Variants in LRRC40 observed in about 807,000 individuals in gnomAD.
The protein encoded by LRRC40 is leucine rich repeat containing 40, also known as leucine-rich repeat-containing protein 40.
In LRRC40, 76 loss-of-function variants were observed where a neutral mutation model predicts 72.8. The ratio of observed to expected loss-of-function variants is 1.04; its 90% CI spans 0.87 to 1.26. LRRC40 has a LOEUF of 1.26. LRRC40 is among the 50% of genes most tolerant of loss of function. The pLI is 0.00. For synonymous variants in LRRC40, 243 were observed against 254.2 expected, an observed-to-expected ratio of 0.96 and a Z score of 0.42; for missense variants, 684 against 698.9, an observed-to-expected ratio of 0.98 and a Z score of 0.24.
chr1:70,160,762 G>A (rs781522230), intron 9 of LRRC40, among the ~76,000 whole-genome samples: 8 of 151,914 alleles, frequency 5.3e-5, no homozygotes, highest in South Asian at 4.2e-4. Flanking sequence ...AGACTGTTGC[G>A]AGAGAGATTT....
At chr1:70,157,312 C>A (rs1371730794) in intron 10 of LRRC40, among the ~76,000 whole-genome samples, 1 of 152,138 alleles carries the variant, frequency 6.6e-6, no homozygotes, top group Non-Finnish European at 1.5e-5. Flanking sequence ...GCTAGTCAGA[C>A]TTAAAAGATT....
At chr1:70,184,201 T>C (rs1025187205) in intron 4 of LRRC40, among the ~76,000 whole-genome samples, 16 of 152,036 alleles carry the variant, frequency 1.1e-4, no homozygotes, top group Admixed American at 1.3e-4. Context: ...GTGAGCGAGA[T>C]TGCGCCACTG....
intron 4 of LRRC40, among the ~76,000 whole-genome samples, chr1:70,182,903 A>T (rs981882497): frequency 6.6e-6 from 1 of 152,152 alleles, no homozygotes; most frequent in Non-Finnish European, 1.5e-5. Flanking sequence ...GTCTCTGGGA[A>T]CATGTGGGTG....
Position 70,181,140 on chromosome 1 carries a change from T to A in LRRC40, c.607A>T (p.Asn203Tyr), listed in dbSNP as rs1355596093. The change falls in exon 5 of 15, where the codon AAT becomes TAT. Residue 203 changes from asparagine (N) to tyrosine (Y), a missense_variant. Asn to Tyr is a moderately radical substitution (Grantham distance 143). Coordinates refer to ENST00000370952, the MANE Select transcript of LRRC40 (RefSeq NM_017768.5). ...FSSLSSLVRL[N>Y]LSSNELKSLP... ...CTCTTCAGTTCATTACTAGAAAGAT[T>A]GAGTCGCACCAGACTGGACAGAGAA... is the stretch of plus-strand genomic sequence containing the variant. 2 of 1,600,710 alleles carry A rather than the reference T, an allele frequency of 1.2e-6. No individual in the cohort carries two copies. Among genetic ancestry groups the A allele is most frequent in the Middle Eastern group, 1.7e-4 (1 of 6,004 alleles).
chr1:70,203,680 G>A (rs1241587081), intron 1 of LRRC40, among the ~76,000 whole-genome samples: 1 of 152,200 alleles, frequency 6.6e-6, no homozygotes, highest in Non-Finnish European at 1.5e-5. Flanking sequence ...AATAGGTCCT[G>A]TTATGACTCC....
chr1:70,157,293 C>A (rs1667659613), intron 10 of LRRC40, among the ~76,000 whole-genome samples: 2 of 152,142 alleles, frequency 1.3e-5, no homozygotes, highest in Admixed American at 1.3e-4. Context: ...TCATGGGGAA[C>A]TGACTCATGC....
At chr1:70,189,030 G>T (rs998307890) in intron 2 of LRRC40, 62 bp downstream of exon 2, 39 of 1,425,318 alleles carry the variant, frequency 2.7e-5, no homozygotes, top group Non-Finnish European at 3.7e-5. Context: ...TGCTACCAAA[G>T]CCTAAATTTA....
At chr1:70,188,580 A>C (rs34766759) in intron 2 of LRRC40, among the ~76,000 whole-genome samples, 16,515 of 151,568 alleles carry the variant, frequency 0.11, 1,081 homozygotes, top group Non-Finnish European at 0.15. Flanking sequence ...TACACACACA[A>C]AAAAAAATAG....
chr1:70,156,178 T>A (rs1218998929), intron 10 of LRRC40, among the ~76,000 whole-genome samples: 2 of 152,150 alleles, frequency 1.3e-5, no homozygotes, highest in African/African-American at 4.8e-5. Flanking sequence ...TAAAAATCTA[T>A]AAGAGGAGTT....
At chr1:70,153,231 G>A (rs562890492) in intron 11 of LRRC40, among the ~76,000 whole-genome samples, 107 of 151,746 alleles carry the variant, frequency 7.1e-4, no homozygotes, top group African/African-American at 2.2e-3. Context: ...GCATGGTGGC[G>A]GGCACCTGTA....
chr1:70,183,429 C>T (rs1370413791), intron 4 of LRRC40, among the ~76,000 whole-genome samples: 2 of 151,978 alleles, frequency 1.3e-5, no homozygotes, highest in Middle Eastern at 3.4e-3. Context: ...GAGATGGATA[C>T]ACTTTGGAGT....
chr1:70,201,563 C>T (rs1361351273), intron 1 of LRRC40, among the ~76,000 whole-genome samples: 3 of 152,120 alleles, frequency 2.0e-5, no homozygotes, highest in Non-Finnish European at 4.4e-5. Flanking sequence ...AATGAAAAAA[C>T]GTGCAAAAGT....
At chr1:70,179,073 T>A in intron 5 of LRRC40, 80 bp from the exon 6 acceptor site, 1 of 796,496 alleles carries the variant, frequency 1.3e-6, no homozygotes, top group Non-Finnish European at 1.8e-6. Context: ...AAAGAATGTG[T>A]AAGAAATCGC....
At chr1:70,193,398 G>C (rs551701309) in intron 1 of LRRC40, among the ~76,000 whole-genome samples, 1 of 149,160 alleles carries the variant, frequency 6.7e-6, no homozygotes, top group African/African-American at 2.5e-5. Context: ...TAAATCCCTA[G>C]AATAGAAAAA....
At chr1:70,194,601 C>T (rs890596391) in intron 1 of LRRC40, among the ~76,000 whole-genome samples, 1 of 151,220 alleles carries the variant, frequency 6.6e-6, no homozygotes, top group African/African-American at 2.4e-5. Context: ...TATTGAAATG[C>T]AAAAGAACTA....
At chr1:70,157,239 T>C (rs1315853504) in intron 10 of LRRC40, among the ~76,000 whole-genome samples, 1 of 152,240 alleles carries the variant, frequency 6.6e-6, no homozygotes, top group African/African-American at 2.4e-5. Context: ...TTTTCTTCTG[T>C]GTAGATGCAG....
rs201768523 is a variant in LRRC40 at position 70,173,689 on chromosome 1, T to C, written c.998A>G (p.Asn333Ser). Residue 333 changes from asparagine to serine, a missense_variant, in exon 8 of 15, where the codon AAC (asparagine) becomes AGC (serine). Coordinates refer to ENST00000370952, the MANE Select transcript of LRRC40 (RefSeq NM_017768.5). ...DISSLPYSLG[N>S]LHLKFLALEG... is the part of the protein sequence containing the mutation. ...TAATGCCAAAAATTTCAAATGAAGG[T>C]TCCCCAATGAATAGGGAAGACTATA... 4.8e-5 allele frequency: 74 copies of C among 1,553,826 alleles called. No homozygotes were observed. In the African/African-American group the frequency reaches 9.0e-4, roughly 19 times the overall value.
intron 1 of LRRC40, among the ~76,000 whole-genome samples, chr1:70,191,812 A>G (rs1402010489): frequency 6.6e-6 from 1 of 152,196 alleles, no homozygotes; most frequent in Non-Finnish European, 1.5e-5. Flanking sequence ...GCATATAAAT[A>G]TCAAAAAAAT....
At chr1:70,146,207 T>C (rs967868599) in intron 14 of LRRC40, among the ~76,000 whole-genome samples, 2 of 152,012 alleles carry the variant, frequency 1.3e-5, no homozygotes, top group Non-Finnish European at 2.9e-5. Context: ...GTATTTTCAG[T>C]AGTGAGGGGG....
Sources: gnomAD v4.1 joint callset for allele counts (sites outside exome capture counted in the v4.1 genomes callset) on GRCh38, gnomAD v4.1.1 for gene constraint, MANE v1.5 for transcripts, NCBI Gene and HGNC (gene_info 2026-07-23, HGNC 2026-07-21) for gene names.